Variants in PIK3C2G observed in about 807,000 individuals in gnomAD.
PIK3C2G encodes phosphatidylinositol 3-kinase C2 domain-containing subunit gamma.
Under a neutral mutation model 181.1 loss-of-function variants are expected in PIK3C2G, and 168 were observed. The ratio of observed to expected loss-of-function variants is 0.93; its 90% CI spans 0.82 to 1.05. PIK3C2G has a LOEUF of 1.05. Ranked by LOEUF, PIK3C2G falls within the 50% of genes least tolerant of loss-of-function variation. The pLI is 0.00. For synonymous variants in PIK3C2G, 573 were observed against 592.2 expected (o/e 0.97, Z 0.47); for missense variants, 1,869 against 1,732.8 (o/e 1.08, Z -1.40).
At chr12:18,300,092 T>C (rs1029951493) in intron 5 of PIK3C2G, among the ~76,000 whole-genome samples, 1 of 151,958 alleles carries the variant, frequency 6.6e-6, no homozygotes, top group Non-Finnish European at 1.5e-5. Context: ...TTGTGACTAG[T>C]TTGAAAATAA....
At chr12:18,328,342 CA>C (rs1951437999) in intron 8 of PIK3C2G, among the ~76,000 whole-genome samples, 1 of 151,892 alleles carries the variant, frequency 6.6e-6, no homozygotes, top group African/African-American at 2.4e-5. Context: ...TCTTATTTAA[CA>C]CTTGCTCAAG....
intron 26 of PIK3C2G, among the ~76,000 whole-genome samples, chr12:18,552,513 GGGA>G (rs1944787789): frequency 6.6e-6 from 1 of 151,936 alleles, no homozygotes; most frequent in Non-Finnish European, 1.5e-5. Flanking sequence ...CACTACCAAG[GGGA>G]GATAGGGACA....
chr12:18,354,724 G>A lies in PIK3C2G; in HGVS notation c.1625+7888G>A, dbSNP rs375262930. 2.9e-4 allele frequency among the ~76,000 whole-genome samples: 44 copies of A among 152,282 alleles called. No individual in the cohort carries two copies. In the East Asian group the frequency reaches 3.7e-3, roughly 13 times the overall value. Reference sequence around the variant, plus strand: ...CCAGATTTGGAGGGTCAAAGCAGTCGCAGTCATTCAGGATGCACTCCAGAA... The same window carrying A: ...CCAGATTTGGAGGGTCAAAGCAGTCACAGTCATTCAGGATGCACTCCAGAA... On this transcript the variant is annotated intron_variant, in intron 11 of 32. Coordinates refer to ENST00000538779, the MANE Select transcript of PIK3C2G (RefSeq NM_001288772.2).
rs74996410 is a variant in PIK3C2G, at chr12:18,345,814, A to C, written c.1430-827A>C. Among the ~76,000 whole-genome samples the C allele has an allele frequency of 6.6e-3, 1,011 of 152,288 alleles. 11 individuals carry two copies. The highest frequency in any genetic ancestry group is 0.023 in the African/African-American group (973 of 41,564). On this transcript the variant is annotated intron_variant, in intron 10 of 32. Transcript: ENST00000538779. ...TACTATATAGGGAATTGCATGTTTT[A>C]AAAGCAACTTATAAAGAATTGCATG... is the stretch of plus-strand genomic sequence containing the variant.
chr12:18,578,256 G>A (rs941556233), intron 29 of PIK3C2G, among the ~76,000 whole-genome samples: 2 of 152,128 alleles, frequency 1.3e-5, no homozygotes, highest in African/African-American at 4.8e-5. Context: ...TGTCTATGTT[G>A]ATATGCACCA....
intron 7 of PIK3C2G, among the ~76,000 whole-genome samples, chr12:18,324,242 G>A (rs994709980): frequency 4.6e-5 from 7 of 151,370 alleles, no homozygotes; most frequent in East Asian, 3.9e-4. Context: ...CACTGCCATT[G>A]CCCAAATCTT....
At chr12:18,279,366 A>T (rs887619945) in intron 1 of PIK3C2G, among the ~76,000 whole-genome samples, 1 of 152,022 alleles carries the variant, frequency 6.6e-6, no homozygotes, top group Non-Finnish European at 1.5e-5. Flanking sequence ...AGGTGCTCAA[A>T]AAATGTTAGG....
At chr12:18,575,772 G>A (rs907495638) in intron 29 of PIK3C2G, among the ~76,000 whole-genome samples, 3 of 152,178 alleles carry the variant, frequency 2.0e-5, no homozygotes, top group African/African-American at 4.8e-5. Flanking sequence ...ATGGTTACAC[G>A]CTTTCTCCTG....
chr12:18,277,820 T>C (rs899976845), intron 1 of PIK3C2G, among the ~76,000 whole-genome samples: 1 of 152,136 alleles, frequency 6.6e-6, no homozygotes, highest in Non-Finnish European at 1.5e-5. Context: ...CTGATAGGTG[T>C]CGAAATTTTG....
chr12:18,246,784 T>A (rs1364314873), upstream of PIK3C2G, among the ~76,000 whole-genome samples: 5 of 152,182 alleles, frequency 3.3e-5, no homozygotes, highest in Admixed American at 3.3e-4. Context: ...ACTGGAATTG[T>A]CTTGTGGACA....
At chr12:18,371,376 T>A (rs1415656937) in intron 13 of PIK3C2G, 65 bp downstream of exon 13, 2 of 1,402,162 alleles carry the variant, frequency 1.4e-6, no homozygotes, top group African/African-American at 1.4e-5. Context: ...AAGTAAATAT[T>A]TTGGAGTATA....
chr12:18,478,328 G>C (rs1026930504), intron 18 of PIK3C2G, among the ~76,000 whole-genome samples: 2 of 152,098 alleles, frequency 1.3e-5, no homozygotes, highest in African/African-American at 2.4e-5. Flanking sequence ...GCTACATTTT[G>C]AGTTATTTTG....
At chr12:18,440,643 G>C (rs1231026673) in intron 18 of PIK3C2G, among the ~76,000 whole-genome samples, 1 of 152,094 alleles carries the variant, frequency 6.6e-6, no homozygotes, top group African/African-American at 2.4e-5. Context: ...GTGTTGGGAG[G>C]ACAACAATGG....
the PIK3C2G span, among the ~76,000 whole-genome samples, chr12:18,710,304 T>C: frequency 7.1e-3 from 1,070 of 151,010 alleles, 11 homozygotes; most frequent in African/African-American, 0.025. Context: ...GGTGAGGGAG[T>C]TAGCCATGCA....
At chr12:18,458,173 T>G (rs1209299535) in intron 18 of PIK3C2G, among the ~76,000 whole-genome samples, 1 of 152,168 alleles carries the variant, frequency 6.6e-6, no homozygotes, top group Non-Finnish European at 1.5e-5. Flanking sequence ...ATGATAGGGA[T>G]AGGCCAGTTA....
intron 18 of PIK3C2G, among the ~76,000 whole-genome samples, chr12:18,438,774 C>T (rs984119878): frequency 2.0e-5 from 3 of 151,902 alleles, no homozygotes; most frequent in African/African-American, 7.2e-5. Flanking sequence ...AAAATTTCAA[C>T]TCAGGCCTCT....
At chr12:18,706,471 A>AT in the PIK3C2G span, among the ~76,000 whole-genome samples, 6 of 152,210 alleles carry the variant, frequency 3.9e-5, no homozygotes, top group Non-Finnish European at 7.3e-5. Context: ...ATCAAAACTC[A>AT]TTGTTTTAGA....
At chr12:18,355,983 AC>A (rs1940689464) in intron 11 of PIK3C2G, among the ~76,000 whole-genome samples, 1 of 152,184 alleles carries the variant, frequency 6.6e-6, no homozygotes, top group African/African-American at 2.4e-5. Context: ...CTTGATAGAC[AC>A]TTGGGGAACA....
At position 18,282,723 on chromosome 12, in the gene PIK3C2G, C is replaced by T. The variant is rs781615674; in HGVS notation, c.642C>T (p.Pro214=). The change falls in exon 2 of 33, where the codon CCC becomes CCT. Residue 214 remains proline (P), a synonymous_variant. Coordinates refer to ENST00000538779, the MANE Select transcript of PIK3C2G (RefSeq NM_001288772.2). ...TGCTTTTGAAAGGCTCTCTTCAACC[C>T]GGAATGTGGGAAAGTACATGGCAGA... The part of the protein sequence containing the change: ...SLMLLKGSLQ[P]GMWESTWQKN... 7.1e-5 allele frequency: 114 copies of T among 1,610,276 alleles called. No individual in the cohort carries two copies. The highest frequency in any genetic ancestry group is 2.0e-4 in the Admixed American group (12 of 59,448).
Sources: allele counts gnomAD v4.1 joint callset (sites outside exome capture counted in the v4.1 genomes callset), GRCh38; gene constraint gnomAD v4.1.1; transcripts MANE v1.5; gene names NCBI Gene and HGNC (gene_info 2026-07-23, HGNC 2026-07-21).